Variants in NCK1 observed in about 807,000 individuals in gnomAD.
The protein encoded by NCK1 is NCK adaptor protein 1, also known as SH2/SH3 adapter protein NCK1.
A neutral mutation model predicts 36.6 loss-of-function variants in NCK1; 19 were observed. The ratio of observed to expected loss-of-function variants is 0.52; its 90% CI spans 0.36 to 0.76. The LOEUF (loss-of-function observed/expected upper bound fraction) is 0.76, where lower values mean the gene tolerates loss of function less well. NCK1 is among the 30% of genes least tolerant of loss of function. The pLI is 0.00. For missense variants in NCK1, 358 were observed against 445.6 expected, an observed-to-expected ratio of 0.80 and a Z score of 1.77; for synonymous variants, 165 against 156.0, an observed-to-expected ratio of 1.06 and a Z score of -0.43.
At position 136,945,971 on chromosome 3, in the gene NCK1, T is replaced by C. The variant is rs755422684; in HGVS notation, c.615T>C (p.Asn205=). The C allele has an allele frequency of 1.9e-6, 3 of 1,614,044 alleles. No homozygotes were observed. Among genetic ancestry groups the C allele is most frequent in the Non-Finnish European group, 1.7e-6 (2 of 1,180,012 alleles). The change falls in exon 3 of 4, where the codon AAT becomes AAC. Residue 205 remains asparagine, a synonymous_variant. Coordinates refer to ENST00000481752, the MANE Select transcript of NCK1 (RefSeq NM_001291999.2). The stretch of plus-strand genomic sequence containing the variant: ...CTCTTTACCCATTCAGCTCATCTAA[T>C]GATGAAGAACTTAATTTCGAGAAAG... ...VQALYPFSSS[N]DEELNFEKGD...
chr3:136,921,237 C>G (rs982467795), intron 1 of NCK1, among the ~76,000 whole-genome samples: 1 of 152,176 alleles, frequency 6.6e-6, no homozygotes, highest in African/African-American at 2.4e-5. Context: ...GCCAAACTAC[C>G]AGTCATGTAT....
At chr3:136,895,756 G>C (rs1939377094) in intron 1 of NCK1, among the ~76,000 whole-genome samples, 2 of 151,882 alleles carry the variant, frequency 1.3e-5, no homozygotes, top group Admixed American at 6.6e-5. Context: ...GTAGAGACAG[G>C]GTTTTGCTAT....
intron 1 of NCK1, among the ~76,000 whole-genome samples, chr3:136,926,908 T>G (rs1407666742): frequency 6.6e-6 from 1 of 152,224 alleles, no homozygotes; most frequent in Non-Finnish European, 1.5e-5. Context: ...TCTGTATATG[T>G]CTATTAAATC....
intron 1 of NCK1, among the ~76,000 whole-genome samples, chr3:136,900,753 G>A (rs1269263181): frequency 6.6e-6 from 1 of 152,042 alleles, no homozygotes. Flanking sequence ...ATTGATTTAT[G>A]TGTGTTGATT....
At chr3:136,940,461 A>G (rs112614905) in intron 2 of NCK1, among the ~76,000 whole-genome samples, 6 of 152,106 alleles carry the variant, frequency 3.9e-5, no homozygotes, top group Admixed American at 6.5e-5. Context: ...TTAGGTATGC[A>G]TATATTTGTA....
chr3:136,932,014 GGAA>G (rs1379081389), intron 2 of NCK1, among the ~76,000 whole-genome samples: 3 of 151,894 alleles, frequency 2.0e-5, no homozygotes, highest in Admixed American at 1.3e-4. Flanking sequence ...CAGCTACTTG[GGAA>G]GCTGAGGCAG....
chr3:136,874,634 T>G (rs1033958410), intron 1 of NCK1, among the ~76,000 whole-genome samples: 2 of 152,230 alleles, frequency 1.3e-5, no homozygotes, highest in African/African-American at 4.8e-5. Context: ...ATTTCTTCCT[T>G]TCTGATAAAA....
intron 1 of NCK1, among the ~76,000 whole-genome samples, chr3:136,927,337 T>C (rs1029404747): frequency 3.9e-5 from 6 of 152,264 alleles, no homozygotes; most frequent in African/African-American, 1.4e-4. Flanking sequence ...GTAATGGGTT[T>C]GTCAAGATCT....
intron 1 of NCK1, among the ~76,000 whole-genome samples, chr3:136,874,019 T>C (rs1244646017): frequency 2.6e-5 from 4 of 152,208 alleles, no homozygotes; most frequent in Admixed American, 2.6e-4. Context: ...TTTGTGAGAT[T>C]CATTTATGAT....
chr3:136,894,364 G>GAT (rs1405325402), intron 1 of NCK1, among the ~76,000 whole-genome samples: 5 of 152,240 alleles, frequency 3.3e-5, no homozygotes, highest in African/African-American at 1.2e-4. Flanking sequence ...AGGTAGTAGG[G>GAT]ATATAATACC....
At chr3:136,884,301 C>T (rs1022108786) in intron 1 of NCK1, among the ~76,000 whole-genome samples, 1 of 152,174 alleles carries the variant, frequency 6.6e-6, no homozygotes, top group African/African-American at 2.4e-5. Context: ...TCCAGTAGAG[C>T]TATCCCTTGT....
chr3:136,914,455 A>G (rs1939906184), intron 1 of NCK1, among the ~76,000 whole-genome samples: 1 of 152,162 alleles, frequency 6.6e-6, no homozygotes, highest in South Asian at 2.1e-4. Context: ...AGGTGGAGAG[A>G]AGATTCTTGT....
intron 1 of NCK1, among the ~76,000 whole-genome samples, chr3:136,895,796 C>T (rs1939378063): frequency 1.3e-5 from 2 of 152,122 alleles, no homozygotes; most frequent in African/African-American, 2.4e-5. Context: ...AACTCCTGAC[C>T]TCAGGTGATC....
At chr3:136,881,673 T>C (rs1938941613) in intron 1 of NCK1, among the ~76,000 whole-genome samples, 1 of 152,154 alleles carries the variant, frequency 6.6e-6, no homozygotes, top group South Asian at 2.1e-4. Flanking sequence ...TACTAACAAC[T>C]CCCCAAGTCT....
chr3:136,944,112 C>CATTTTTTTTTT (rs1940747308), intron 2 of NCK1, among the ~76,000 whole-genome samples: 1 of 43,782 alleles, frequency 2.3e-5, no homozygotes, highest in Admixed American at 4.5e-4. Flanking sequence ...GAAAAACAAC[C>CATTTTTTTTTT]TTTTTTTTTT....
At chr3:136,887,918 G>A (rs888895478) in intron 1 of NCK1, among the ~76,000 whole-genome samples, 2 of 149,936 alleles carry the variant, frequency 1.3e-5, no homozygotes, top group Non-Finnish European at 3.0e-5. Context: ...CGCCTTTATT[G>A]TTTCTTTTCT....
intron 1 of NCK1, among the ~76,000 whole-genome samples, chr3:136,924,191 AT>A (rs1388315115): frequency 6.6e-6 from 1 of 152,206 alleles, no homozygotes; most frequent in African/African-American, 2.4e-5. Flanking sequence ...GGCAGACATA[AT>A]GTGCCTCCTA....
At chr3:136,942,221 T>A (rs1343962396) in intron 2 of NCK1, among the ~76,000 whole-genome samples, 1 of 152,232 alleles carries the variant, frequency 6.6e-6, no homozygotes, top group African/African-American at 2.4e-5. Flanking sequence ...ATGTTCTCCT[T>A]CATTTTTGAA....
rs2108158136 is a variant in NCK1, at chr3:136,948,912, T to C, written c.*459T>C. The C allele has an allele frequency of 6.6e-6, 1 of 152,578 alleles. No individual in the cohort carries two copies. Among genetic ancestry groups the C allele is most frequent in the East Asian group, 1.9e-4 (1 of 5,190 alleles). 9.5% of individuals were successfully genotyped at this position (152,578 alleles called of 1,614,324 possible). On this transcript the variant is annotated 3_prime_UTR_variant, in exon 4 of 4. Transcript: ENST00000481752. ...AGTGTTAATCTTTTCTGTGACTAAA[T>C]AGCAATAATAAGTGGAAAATTAGAA...
Sources: gnomAD v4.1 joint callset for allele counts (sites outside exome capture counted in the v4.1 genomes callset) on GRCh38, gnomAD v4.1.1 for gene constraint, MANE v1.5 for transcripts, NCBI Gene and HGNC (gene_info 2026-07-23, HGNC 2026-07-21) for gene names.